The following R3HDM1 variants were observed in gnomAD, a reference collection of about 807,000 sequenced individuals.
R3HDM1 encodes R3H domain containing 1.
A neutral mutation model predicts 141.1 loss-of-function variants in R3HDM1; 46 were observed. The observed-to-expected ratio is 0.33, with a 90% CI of 0.26 to 0.42. The LOEUF (loss-of-function observed/expected upper bound fraction) is 0.42, where lower values mean the gene tolerates loss of function less well. R3HDM1 is among the 10% of genes least tolerant of loss of function. The pLI is 1.00. For synonymous variants in R3HDM1, 435 were observed against 472.9 expected (o/e 0.92, Z 1.04); for missense variants, 1,184 against 1,368.3 (o/e 0.87, Z 2.12).
At chr2:135,561,066 T>G (rs1639166897) in intron 1 of R3HDM1, among the ~76,000 whole-genome samples, 1 of 152,224 alleles carries the variant, frequency 6.6e-6, no homozygotes, top group Non-Finnish European at 1.5e-5. Context: ...GTCTTTCTGT[T>G]AATCCAGTAA....
At chr2:135,722,120 C>T in intron 25 of R3HDM1, 114 bp downstream of exon 25, 1 of 997,700 alleles carries the variant, frequency 1.0e-6, no homozygotes, top group Non-Finnish European at 1.5e-6. Context: ...AGCTCTGTGC[C>T]TCAGCCAGTT....
chr2:135,657,054 C>G (rs893757805), intron 18 of R3HDM1, among the ~76,000 whole-genome samples: 1 of 151,006 alleles, frequency 6.6e-6, no homozygotes, highest in African/African-American at 2.4e-5. Flanking sequence ...GAGCTGAGAT[C>G]GTGCCACTGC....
chr2:135,619,647 C>A, intron 5 of R3HDM1: 1 of 669,568 alleles, frequency 1.5e-6, no homozygotes, highest in Non-Finnish European at 1.8e-6. Context: ...ATAAATTGCA[C>A]CTGAGTGGAA....
chr2:135,665,227 G>A (rs573236618), intron 19 of R3HDM1, among the ~76,000 whole-genome samples: 1 of 152,282 alleles, frequency 6.6e-6, no homozygotes, highest in South Asian at 2.1e-4. Context: ...TGCATATAAG[G>A]AGTGTGGTAT....
At chr2:135,648,896 G>C (rs887362784) in intron 16 of R3HDM1, among the ~76,000 whole-genome samples, 3 of 149,308 alleles carry the variant, frequency 2.0e-5, no homozygotes, top group African/African-American at 7.6e-5. Flanking sequence ...TAGTTTCTCA[G>C]CTCCTAACAT....
chr2:135,650,466 T>C, intron 17 of R3HDM1: 1 of 979,976 alleles, frequency 1.0e-6, no homozygotes, highest in Non-Finnish European at 1.2e-6. Flanking sequence ...TTTCTGGATA[T>C]TTAATCTGTG....
chr2:135,535,537 AATAAATAT>A (rs139593841), intron 1 of R3HDM1, among the ~76,000 whole-genome samples: 6,013 of 149,082 alleles, frequency 0.04, 389 homozygotes, highest in African/African-American at 0.14. Flanking sequence ...TAAATAAATA[AATAAATAT>A]GAGATGGCTG....
At position 135,543,186 on chromosome 2, in the gene R3HDM1, C is replaced by T. The variant is rs1030846002; in HGVS notation, c.-250+11553C>T. The T allele has an allele frequency of 3.1e-5, 20 of 641,722 alleles. 1 individual carries two copies. The highest frequency in any genetic ancestry group is 2.8e-4 in the East Asian group (2 of 7,262). 39.8% of individuals were successfully genotyped at this position (641,722 alleles called of 1,614,324 possible). Reference sequence around the variant, plus strand: ...ATAGGGGTTCAGATTTATTTTTATACGTGAATATCTAGTTTTCTGCACCAT... The same window carrying T: ...ATAGGGGTTCAGATTTATTTTTATATGTGAATATCTAGTTTTCTGCACCAT... On this transcript the variant is annotated intron_variant, in intron 1 of 26. Transcript: ENST00000683871.
At chr2:135,562,551 C>T (rs914448400) in intron 1 of R3HDM1, among the ~76,000 whole-genome samples, 16 of 152,170 alleles carry the variant, frequency 1.1e-4, no homozygotes, top group Admixed American at 8.5e-4. Context: ...CTTAAACTTA[C>T]ACCATTTGTT....
At chr2:135,563,317 C>A (rs1417070232) in intron 1 of R3HDM1, among the ~76,000 whole-genome samples, 1 of 152,148 alleles carries the variant, frequency 6.6e-6, no homozygotes, top group East Asian at 1.9e-4. Context: ...CTTCTTTTTT[C>A]TAAAAACTTT....
At chr2:135,578,007 A>G (rs1378290604) in intron 1 of R3HDM1, among the ~76,000 whole-genome samples, 5 of 152,176 alleles carry the variant, frequency 3.3e-5, no homozygotes, top group Non-Finnish European at 7.3e-5. Context: ...AGTGCCTAAT[A>G]AATTGACATA....
At chr2:135,682,961 C>T (rs987261652) in intron 21 of R3HDM1, among the ~76,000 whole-genome samples, 1 of 152,050 alleles carries the variant, frequency 6.6e-6, no homozygotes, top group Non-Finnish European at 1.5e-5. Context: ...TGCACCACAG[C>T]ACTTCAGCCT....
At chr2:135,565,622 T>G (rs1265477688) in intron 1 of R3HDM1, 1 of 152,130 alleles carries the variant, frequency 6.6e-6, no homozygotes, top group African/African-American at 2.4e-5. Flanking sequence ...CATCTTTTTC[T>G]TCTTTACTTG....
At chr2:135,549,176 A>G (rs1699320897) in intron 1 of R3HDM1, among the ~76,000 whole-genome samples, 1 of 152,226 alleles carries the variant, frequency 6.6e-6, no homozygotes, top group Non-Finnish European at 1.5e-5. Flanking sequence ...GAATGCATTT[A>G]TATGCATATG....
At chr2:135,582,197 G>A (rs1372770575) in intron 1 of R3HDM1, among the ~76,000 whole-genome samples, 1 of 152,118 alleles carries the variant, frequency 6.6e-6, no homozygotes, top group East Asian at 1.9e-4. Flanking sequence ...AGGCATGGTG[G>A]CGCACACCTG....
At chr2:135,617,447 G>A (rs1289065790) in intron 5 of R3HDM1, among the ~76,000 whole-genome samples, 1 of 151,996 alleles carries the variant, frequency 6.6e-6, no homozygotes, top group East Asian at 1.9e-4. Context: ...TTTGTAAAGA[G>A]ACCAGCCAAG....
chr2:135,639,067 G>A lies in R3HDM1; in HGVS notation c.1164G>A (p.Leu388=), dbSNP rs768231589. 1 of 1,614,134 alleles carries A rather than the reference G, an allele frequency of 6.2e-7. No individual in the cohort carries two copies. Among genetic ancestry groups the A allele is most frequent in the South Asian group, 1.1e-5 (1 of 91,066 alleles). Residue 388 remains leucine (L), a synonymous_variant, in exon 14 of 27, where the codon CTG becomes CTA. Coordinates refer to ENST00000683871, the MANE Select transcript of R3HDM1 (RefSeq NM_001378107.1). The part of the protein sequence containing the change: ...KASSFSGISV[L]TRGDSSGSSK... ...GCAGCTTCAGTGGAATCTCAGTCCT[G>A]ACAAGAGGTGATAGTTCTGGAAGCA...
In R3HDM1 at chr2:135,710,149, A is replaced by G. The variant is rs2075453247; in HGVS notation, c.2654A>G (p.Gln885Arg). ...CAATCTTGTGCCCACTCACCCCCGCAGTGGAAACAAAACAAATATTACTGT... is the reference window on the plus strand; with the variant it reads ...CAATCTTGTGCCCACTCACCCCCGCGGTGGAAACAAAACAAATATTACTGT... The part of the protein sequence containing the change: ...NPQSCAHSPP[Q>R]WKQNKYYCDH... Residue 885 changes from glutamine to arginine, a missense_variant, in exon 23 of 27, where the codon CAG becomes CGG. By Grantham distance (43) the Gln-to-Arg change is conservative (BLOSUM62 1). This residue lies in a region of R3HDM1 where 563 missense variants were observed against 562.0 expected (regional missense o/e 1.00). Coordinates refer to ENST00000683871, the MANE Select transcript of R3HDM1 (RefSeq NM_001378107.1). The G allele has an allele frequency of 6.2e-7, 1 of 1,614,030 alleles. No individual in the cohort carries two copies. The highest frequency in any genetic ancestry group is 1.1e-5 in the South Asian group (1 of 91,094).
At chr2:135,589,467 C>A (rs1708720324) in intron 1 of R3HDM1, among the ~76,000 whole-genome samples, 2 of 152,152 alleles carry the variant, frequency 1.3e-5, no homozygotes, top group Non-Finnish European at 2.9e-5. Context: ...CCAACAAAAT[C>A]ATCATCTCTA....
Sources: allele counts gnomAD v4.1 joint callset (sites outside exome capture counted in the v4.1 genomes callset), GRCh38; gene constraint gnomAD v4.1.1; regional missense constraint gnomAD v4.1.1; transcripts MANE v1.5; gene names NCBI Gene and HGNC (gene_info 2026-07-23, HGNC 2026-07-21).